Variants in ARHGAP44 observed in about 807,000 individuals in gnomAD.
The protein encoded by ARHGAP44 is Rho GTPase activating protein 44, also known as rho GTPase-activating protein 44.
Under a neutral mutation model 106.8 loss-of-function variants are expected in ARHGAP44, and 43 were observed. The ratio of observed to expected loss-of-function variants is 0.40; its 90% CI spans 0.32 to 0.52. The LOEUF is 0.52. Among genes scored for constraint, ARHGAP44 ranks in the 20% least tolerant of loss-of-function variants. The probability of loss-of-function intolerance (pLI) is 0.48; values close to 1 mark genes in which losing one functional copy is unlikely to be tolerated. For missense variants in ARHGAP44, 866 were observed against 1,050.5 expected, an observed-to-expected ratio of 0.82 and a Z score of 2.43; for synonymous variants, 439 against 410.3, an observed-to-expected ratio of 1.07 and a Z score of -0.85.
intron 8 of ARHGAP44, 57 bp from the exon 9 acceptor site, chr17:12,943,531 T>C: frequency 6.4e-7 from 1 of 1,558,052 alleles, no homozygotes; most frequent in East Asian, 2.2e-5. Context: ...TTGCATGCCA[T>C]GGCAGCCTGT....
chr17:12,965,352 T>C (rs1387875109), intron 16 of ARHGAP44, among the ~76,000 whole-genome samples: 1 of 152,180 alleles, frequency 6.6e-6, no homozygotes, highest in Non-Finnish European at 1.5e-5. Flanking sequence ...CCGAATGGTC[T>C]ATGGGATATT....
intron 1 of ARHGAP44, among the ~76,000 whole-genome samples, chr17:12,879,023 GT>G (rs1302115900): frequency 2.0e-5 from 3 of 152,164 alleles, no homozygotes; most frequent in Non-Finnish European, 4.4e-5. Flanking sequence ...AACAGGTGGT[GT>G]TTGGTTACAT....
At chr17:12,984,096 C>T (rs972001070) in intron 19 of ARHGAP44, among the ~76,000 whole-genome samples, 9 of 152,220 alleles carry the variant, frequency 5.9e-5, no homozygotes, top group African/African-American at 2.2e-4. Context: ...CAGGGCTCCT[C>T]TGTCCATTAC....
chr17:12,858,007 A>G (rs1363665835), intron 1 of ARHGAP44, among the ~76,000 whole-genome samples: 1 of 151,478 alleles, frequency 6.6e-6, no homozygotes, highest in Non-Finnish European at 1.5e-5. Flanking sequence ...TACCACTGAT[A>G]CTCTTGTGCA....
intron 4 of ARHGAP44, 113 bp downstream of exon 4, chr17:12,909,086 G>T (rs894862702): frequency 1.2e-6 from 1 of 852,610 alleles, no homozygotes; most frequent in Non-Finnish European, 1.8e-6. Context: ...GGACTTTAGT[G>T]GAAAAAAGGA....
In ARHGAP44 at chr17:12,789,540, A is replaced by G. The variant is rs557176349; in HGVS notation, c.-299A>G. The G allele has an allele frequency of 3.9e-5, 8 of 205,000 alleles. No individual in the cohort carries two copies. In the South Asian group the frequency reaches 1.5e-3, roughly 38 times the overall value. The allele number at this position is 205,000 out of a possible 1,614,324, so 12.7% of individuals were successfully genotyped here. On this transcript the variant is annotated 5_prime_UTR_variant, in exon 1 of 21. Transcript: ENST00000379672. Reference sequence around the variant, plus strand: ...TCCCGGGTCCCCGCGCCGGACTGGGACTGGGAGCAGGCAGCCCGGGCGGAG... The same window carrying G: ...TCCCGGGTCCCCGCGCCGGACTGGGGCTGGGAGCAGGCAGCCCGGGCGGAG...
chr17:12,890,271 C>G (rs1176733243), intron 1 of ARHGAP44, among the ~76,000 whole-genome samples: 1 of 152,188 alleles, frequency 6.6e-6, no homozygotes, highest in Non-Finnish European at 1.5e-5. Flanking sequence ...CCTAGGCTGT[C>G]TGATACATCC....
At chr17:12,824,890 G>T (rs2034875119) in intron 1 of ARHGAP44, among the ~76,000 whole-genome samples, 1 of 151,822 alleles carries the variant, frequency 6.6e-6, no homozygotes, top group Non-Finnish European at 1.5e-5. Context: ...TCTGACTGAA[G>T]TATCACTTTT....
chr17:12,903,245 G>C (rs2037449647), intron 3 of ARHGAP44, among the ~76,000 whole-genome samples: 1 of 151,012 alleles, frequency 6.6e-6, no homozygotes, highest in Non-Finnish European at 1.5e-5. Context: ...CCTACAAACT[G>C]TGTTGCTTGT....
intron 1 of ARHGAP44, among the ~76,000 whole-genome samples, chr17:12,887,448 C>T (rs921493891): frequency 1.3e-5 from 2 of 152,066 alleles, no homozygotes; most frequent in African/African-American, 4.8e-5. Context: ...ATTATGTTGT[C>T]CAGGCTGGTC....
At chr17:12,874,176 A>G (rs1406729979) in intron 1 of ARHGAP44, among the ~76,000 whole-genome samples, 3 of 152,190 alleles carry the variant, frequency 2.0e-5, no homozygotes, top group Non-Finnish European at 4.4e-5. Flanking sequence ...AGAAAGAAGA[A>G]AAAGAGGCTG....
In ARHGAP44 at chr17:12,804,971, T is replaced by TCTG. The variant is rs148719443; in HGVS notation, c.53+15083_53+15085dup. ...GAATGGGAATCTGGTGTCCACTATA[T>TCTG]CTGCTATGTTCTAAGTTCTCTGCTA... On this transcript the variant is annotated intron_variant, in intron 1 of 20. Transcript: ENST00000379672. 8.7e-3 allele frequency among the ~76,000 whole-genome samples: 1,325 copies of TCTG among 152,308 alleles called. 8 individuals are homozygous for TCTG. Among genetic ancestry groups the TCTG allele is most frequent in the African/African-American group, 0.031 (1,280 of 41,570 alleles).
chr17:12,803,451 A>G (rs1006895144), intron 1 of ARHGAP44, among the ~76,000 whole-genome samples: 2 of 152,042 alleles, frequency 1.3e-5, no homozygotes, highest in Non-Finnish European at 2.9e-5. Context: ...GTTGGCTCCT[A>G]TGAATCCATC....
intron 1 of ARHGAP44, among the ~76,000 whole-genome samples, chr17:12,877,239 A>G (rs1340080748): frequency 1.3e-5 from 2 of 152,214 alleles, no homozygotes; most frequent in Non-Finnish European, 2.9e-5. Context: ...CTTACTAAAG[A>G]TGTTTTGAAA....
rs149109508 is a variant in ARHGAP44, at chr17:12,918,114, G to A, written c.388-1641G>A. 2.6e-4 allele frequency among the ~76,000 whole-genome samples: 40 copies of A among 152,282 alleles called. No individual in the cohort carries two copies. The East Asian group carries it at 7.3e-3, about 28-fold the overall frequency. On this transcript the variant is annotated intron_variant, in intron 5 of 20. Transcript: ENST00000379672. ...CTCTGTGCCTCAAAAGGAGGGTCCC[G>A]GGTCTGGCCAAAGCCTAAAGCAAAC...
intron 1 of ARHGAP44, among the ~76,000 whole-genome samples, chr17:12,828,028 C>CAAAAAAAA (rs60301804): frequency 1.4e-5 from 1 of 73,922 alleles, no homozygotes; most frequent in Non-Finnish European, 2.9e-5. Flanking sequence ...CTGGCCATCT[C>CAAAAAAAA]AAAAAAAAAA....
chr17:12,869,219 A>G (rs1312023009), intron 1 of ARHGAP44, among the ~76,000 whole-genome samples: 9 of 152,166 alleles, frequency 5.9e-5, no homozygotes. Context: ...GATATTTTGG[A>G]ACGAGCAAGA....
intron 6 of ARHGAP44, among the ~76,000 whole-genome samples, chr17:12,928,492 G>A (rs2038309273): frequency 6.6e-6 from 1 of 152,066 alleles, no homozygotes; most frequent in Non-Finnish European, 1.5e-5. Context: ...ATGTTAACTA[G>A]CTTGATTTAA....
At chr17:12,862,548 G>A (rs1230132636) in intron 1 of ARHGAP44, among the ~76,000 whole-genome samples, 8 of 152,174 alleles carry the variant, frequency 5.3e-5, no homozygotes, top group Non-Finnish European at 1.2e-4. Context: ...TGGAAATTCT[G>A]CTTCTTTCTT....
Sources: gnomAD v4.1 joint callset for allele counts (sites outside exome capture counted in the v4.1 genomes callset) on GRCh38, gnomAD v4.1.1 for gene constraint, MANE v1.5 for transcripts, NCBI Gene and HGNC (gene_info 2026-07-23, HGNC 2026-07-21) for gene names.